Variants in NDUFA9 observed in about 807,000 individuals in gnomAD.
NDUFA9 encodes NADH dehydrogenase [ubiquinone] 1 alpha subcomplex subunit 9, mitochondrial.
NDUFA9 carries 23 observed loss-of-function variants against 45.9 expected under a neutral mutation model. That is an observed-to-expected ratio of 0.50 (90% confidence interval 0.36 to 0.71). The LOEUF is 0.71. Among genes scored for constraint, NDUFA9 ranks in the 30% least tolerant of loss-of-function variants. NDUFA9 has a pLI of 0.00. For missense variants in NDUFA9, 466 were observed against 488.2 expected (o/e 0.95, Z 0.43); for synonymous variants, 176 against 170.5 (o/e 1.03, Z -0.25).
rs762910295 is a variant in NDUFA9 at position 4,659,100 on chromosome 12, G to T, written c.475G>T (p.Ala159Ser). Residue 159 changes from alanine to serine, a missense_variant, in exon 5 of 11, where the codon GCT becomes TCT. Coordinates refer to ENST00000266544, the MANE Select transcript of NDUFA9 (RefSeq NM_005002.5). The part of the protein sequence containing the change: ...PQAIAQLSKE[A>S]GVEKFIHVSH... ...AGCAATTGCTCAACTGTCCAAGGAAGCTGGAGTTGAAAAATTCATTCATGT... is the reference window on the plus strand; with the variant it reads ...AGCAATTGCTCAACTGTCCAAGGAATCTGGAGTTGAAAAATTCATTCATGT... 2 of 1,611,958 alleles carry T rather than the reference G, an allele frequency of 1.2e-6. No individual in the cohort carries two copies. Among genetic ancestry groups the T allele is most frequent in the South Asian group, 2.2e-5 (2 of 91,058 alleles).
At chr12:4,654,484 C>T (rs1474997985) in intron 2 of NDUFA9, 22 bp downstream of exon 2, 14 of 1,611,414 alleles carry the variant, frequency 8.7e-6, no homozygotes, top group Non-Finnish European at 1.2e-5. Context: ...TCCTTAAGTT[C>T]ATATGCTCCA....
intron 8 of NDUFA9, among the ~76,000 whole-genome samples, chr12:4,670,122 C>T (rs1229458859): frequency 2.0e-5 from 3 of 152,144 alleles, no homozygotes; most frequent in Non-Finnish European, 4.4e-5. Context: ...AATTCTAAAA[C>T]ACAAACAAAA....
chr12:4,672,436 C>G (rs1945892830), intron 8 of NDUFA9, among the ~76,000 whole-genome samples: 1 of 152,238 alleles, frequency 6.6e-6, no homozygotes, highest in Admixed American at 6.5e-5. Context: ...AGTGATCTGG[C>G]TCAGCGGGTC....
intron 8 of NDUFA9, among the ~76,000 whole-genome samples, chr12:4,673,485 G>A (rs1161996164): frequency 6.6e-6 from 1 of 152,178 alleles, no homozygotes; most frequent in Non-Finnish European, 1.5e-5. Context: ...CAACATAAAT[G>A]ACCTGATGGA....
chr12:4,676,597 A>C (rs1945921419), intron 8 of NDUFA9, among the ~76,000 whole-genome samples: 1 of 152,236 alleles, frequency 6.6e-6, no homozygotes, highest in Non-Finnish European at 1.5e-5. Context: ...AGGGATGTGA[A>C]GGACCTATTC....
chr12:4,656,317 C>G (rs4147675), intron 3 of NDUFA9, among the ~76,000 whole-genome samples: 1 of 151,980 alleles, frequency 6.6e-6, no homozygotes, highest in East Asian at 1.9e-4. Context: ...CTTTGTCCCT[C>G]AAGTTTGTTG....
intron 9 of NDUFA9, 190 bp from the exon 10 acceptor site, chr12:4,685,069 G>T (rs761278933): frequency 1.5e-4 from 102 of 699,722 alleles, no homozygotes; most frequent in Non-Finnish European, 1.7e-4. Context: ...CAGCCGACTG[G>T]GTTGGCTTGA....
chr12:4,682,114 T>C (rs773459327), intron 8 of NDUFA9, 91 bp from the exon 9 acceptor site: 2 of 959,122 alleles, frequency 2.1e-6, no homozygotes, highest in Non-Finnish European at 3.2e-6. Context: ...GCATATATGT[T>C]TCCTTTTTTA....
At position 4,687,117 on chromosome 12, in the gene NDUFA9, G is replaced by T; in HGVS notation, c.*9G>T. 1 of 1,613,820 alleles carries T rather than the reference G, an allele frequency of 6.2e-7. No homozygotes were observed. The highest frequency in any genetic ancestry group is 2.2e-5 in the East Asian group (1 of 44,868). On this transcript the variant is annotated 3_prime_UTR_variant, in exon 11 of 11. Coordinates refer to ENST00000266544, the MANE Select transcript of NDUFA9 (RefSeq NM_005002.5). ...AGACCGTCAACATTTAGTGCCTCCT[G>T]AGCAGCTCTTGGTTTTGGCGTCTTT...
intron 4 of NDUFA9, among the ~76,000 whole-genome samples, chr12:4,658,233 C>T (rs558885695): frequency 9.2e-5 from 14 of 152,234 alleles, no homozygotes; most frequent in East Asian, 3.9e-4. Context: ...TTGGAGGTGG[C>T]GTGAGGACTA....
intron 9 of NDUFA9, among the ~76,000 whole-genome samples, chr12:4,684,615 CAAGG>C (rs1398856762): frequency 6.6e-6 from 1 of 152,112 alleles, no homozygotes; most frequent in Non-Finnish European, 1.5e-5. Flanking sequence ...GGAACAAAAA[CAAGG>C]AAAGAAAAGA....
At chr12:4,656,104 C>T (rs1040481249) in intron 3 of NDUFA9, among the ~76,000 whole-genome samples, 3 of 152,200 alleles carry the variant, frequency 2.0e-5, no homozygotes, top group Non-Finnish European at 2.9e-5. Context: ...AATATTCATA[C>T]AGATTATTTG....
chr12:4,678,301 T>C lies in NDUFA9; in HGVS notation c.801-3904T>C, dbSNP rs1945932582. On this transcript the variant is annotated intron_variant, in intron 8 of 10. Coordinates refer to ENST00000266544, the MANE Select transcript of NDUFA9 (RefSeq NM_005002.5). ...GTATAATTAAAAAAAAAATTTCAAT[T>C]GGTAAAAATGTAAAAAAATAAATAA... Among the ~76,000 whole-genome samples the C allele has an allele frequency of 2.6e-5, 4 of 151,940 alleles. No individual in the cohort carries two copies. The South Asian group carries it at 8.3e-4, about 32-fold the overall frequency.
intron 6 of NDUFA9, among the ~76,000 whole-genome samples, chr12:4,667,040 A>T: frequency 1.3e-5 from 2 of 152,204 alleles, no homozygotes; most frequent in African/African-American, 4.8e-5. Flanking sequence ...AGAGAAATTT[A>T]TTTCCAACAG....
At chr12:4,672,037 G>A (rs1945890132) in intron 8 of NDUFA9, among the ~76,000 whole-genome samples, 1 of 152,170 alleles carries the variant, frequency 6.6e-6, no homozygotes, top group Non-Finnish European at 1.5e-5. Flanking sequence ...TCCAACTGAG[G>A]TGCCTGGTTC....
chr12:4,685,315 A>C lies in NDUFA9; in HGVS notation c.953A>C (p.Lys318Thr), dbSNP rs1386946807. The C allele has an allele frequency of 1.2e-6, 2 of 1,613,752 alleles. No homozygotes were observed. The highest frequency in any genetic ancestry group is 2.7e-5 in the African/African-American group (2 of 74,914). Reference protein sequence around the residue: ...SPFEPWITRDKVERMHITDMK... With the variant: ...SPFEPWITRDTVERMHITDMK... ...TTTGAGCCCTGGATAACAAGGGATA[A>C]AGTGGAGCGGGTGAGTACATGTGTG... The change falls in exon 10 of 11, where the codon AAA (lysine) becomes ACA (threonine). Residue 318 changes from lysine (K) to threonine (T), a missense_variant. Coordinates refer to ENST00000266544, the MANE Select transcript of NDUFA9 (RefSeq NM_005002.5).
chr12:4,658,751 T>A (rs998151414), intron 4 of NDUFA9, among the ~76,000 whole-genome samples: 3 of 152,198 alleles, frequency 2.0e-5, no homozygotes, highest in South Asian at 2.1e-4. Flanking sequence ...AAATTAAAAA[T>A]TTTTTTTCTT....
intron 7 of NDUFA9, 64 bp downstream of exon 7, chr12:4,668,588 G>C: frequency 1.4e-6 from 2 of 1,427,476 alleles, no homozygotes; most frequent in East Asian, 4.6e-5. Context: ...GAGTGATCAA[G>C]TTTCTGGTTT....
intron 6 of NDUFA9, among the ~76,000 whole-genome samples, chr12:4,666,838 G>A (rs1945856001): frequency 6.6e-6 from 1 of 152,158 alleles, no homozygotes. Flanking sequence ...TTTCAAGATT[G>A]TTTTGGCTAT....
Sources: gnomAD v4.1 joint callset for allele counts (sites outside exome capture counted in the v4.1 genomes callset) on GRCh38, gnomAD v4.1.1 for gene constraint, MANE v1.5 for transcripts, NCBI Gene and HGNC (gene_info 2026-07-23, HGNC 2026-07-21) for gene names.